Variants in ATP10A observed in about 807,000 individuals in gnomAD.
The protein encoded by ATP10A is ATPase phospholipid transporting 10A (putative), also known as phospholipid-transporting ATPase VA.
Under a neutral mutation model 147.8 loss-of-function variants are expected in ATP10A, and 111 were observed. The ratio of observed to expected loss-of-function variants is 0.75; its 90% CI spans 0.64 to 0.88. ATP10A has a LOEUF of 0.88. Among genes scored for constraint, ATP10A ranks in the 40% least tolerant of loss-of-function variants. The pLI, the probability that ATP10A is intolerant of heterozygous loss-of-function variation, is 0.00. For missense variants in ATP10A, 1,927 were observed against 1,959.0 expected, an observed-to-expected ratio of 0.98 and a Z score of 0.31; for synonymous variants, 875 against 841.6, an observed-to-expected ratio of 1.04 and a Z score of -0.69.
intron 5 of ATP10A, among the ~76,000 whole-genome samples, chr15:25,724,731 C>T (rs1482074900): frequency 2.6e-5 from 4 of 152,210 alleles, no homozygotes; most frequent in African/African-American, 4.8e-5. Flanking sequence ...ACTGATACTT[C>T]TTCCCCTGGA....
chr15:25,679,849 G>A lies in ATP10A; in HGVS notation c.3992C>T (p.Pro1331Leu), dbSNP rs142173664. 53 of 1,610,622 alleles carry A rather than the reference G, an allele frequency of 3.3e-5. No individual in the cohort carries two copies. The highest frequency in any genetic ancestry group is 1.2e-4 in the South Asian group (11 of 91,080). ...TGAGTGCTCGGTTCCCGAGTCCTTC[G>A]GGAGGCGTCCCTGAGCAAAGGTCTC... The part of the protein sequence containing the change: ...PKETFAQGRL[P>L]KDSGTEHSSG... The change falls in exon 21 of 21, where the codon CCG (proline) becomes CTG (leucine). Residue 1331 changes from proline to leucine, a missense_variant. Coordinates refer to ENST00000555815, the MANE Select transcript of ATP10A (RefSeq NM_024490.4).
At chr15:25,749,238 C>G in intron 2 of ATP10A, among the ~76,000 whole-genome samples, 1 of 152,004 alleles carries the variant, frequency 6.6e-6, no homozygotes, top group East Asian at 1.9e-4. Context: ...TTGTAATAAG[C>G]TAACAAAATC....
chr15:25,798,849 C>G (rs925931451), intron 1 of ATP10A, among the ~76,000 whole-genome samples: 4 of 152,170 alleles, frequency 2.6e-5, no homozygotes, highest in African/African-American at 9.7e-5. Context: ...CGGGAGGGCA[C>G]CGTGCGCCTC....
At chr15:25,734,616 C>T (rs975340799) in intron 3 of ATP10A, among the ~76,000 whole-genome samples, 1 of 152,176 alleles carries the variant, frequency 6.6e-6, no homozygotes, top group Non-Finnish European at 1.5e-5. Context: ...AGAAAAGCCA[C>T]AGCACACGGG....
chr15:25,713,934 G>C lies in ATP10A; in HGVS notation c.2084C>G (p.Ala695Gly). ...CAGTGCGGCCTCATCCGGGCTCTCC[G>C]CCTCGTACCGCAGCTCGCGCTCTGA... ...QESERELRYE[A>G]ESPDEAALVY... The change falls in exon 10 of 21, where the codon GCG becomes GGG. Residue 695 changes from alanine to glycine, a missense_variant. By Grantham distance (60) the Ala-to-Gly change is moderately conservative. Transcript: ENST00000555815. The C allele has an allele frequency of 1.2e-6, 2 of 1,611,654 alleles. No homozygotes were observed. The highest frequency in any genetic ancestry group is 1.7e-6 in the Non-Finnish European group (2 of 1,180,014).
At chr15:25,818,153 C>T (rs1010313135) in intron 1 of ATP10A, among the ~76,000 whole-genome samples, 2 of 151,900 alleles carry the variant, frequency 1.3e-5, no homozygotes, top group East Asian at 3.9e-4. Context: ...ATTAAAAAAA[C>T]CTAGAAACAC....
chr15:25,718,092 G>A (rs1471324116), intron 8 of ATP10A, 90 bp downstream of exon 8: 1 of 1,367,696 alleles, frequency 7.3e-7, no homozygotes, highest in Non-Finnish European at 1.0e-6. Context: ...GTATTTGTAG[G>A]ATTAAATATA....
chr15:25,722,945 G>C (rs968271384), intron 6 of ATP10A, among the ~76,000 whole-genome samples: 3 of 152,182 alleles, frequency 2.0e-5, no homozygotes, highest in Non-Finnish European at 4.4e-5. Flanking sequence ...AGTAACAATA[G>C]CAAGTGCAGA....
chr15:25,722,581 A>G (rs1411305120), intron 6 of ATP10A, among the ~76,000 whole-genome samples: 2 of 152,224 alleles, frequency 1.3e-5, no homozygotes, highest in Non-Finnish European at 2.9e-5. Flanking sequence ...AATATCACGC[A>G]CAGACTAACT....
Position 25,727,274 on chromosome 15 carries a change from G to A in ATP10A, c.741-8C>T. The A allele has an allele frequency of 6.2e-7, 1 of 1,609,678 alleles. No individual in the cohort carries two copies. Among genetic ancestry groups the A allele is most frequent in the Non-Finnish European group, 8.5e-7 (1 of 1,175,988 alleles). ...TTCCCGTTGTCATGTATGCTGTAGA[G>A]GGACAGTTGGCACATGTCACGTGGT... On this transcript the variant is annotated splice_region_variant and splice_polypyrimidine_tract_variant and intron_variant, in intron 3 of 20. Transcript: ENST00000555815.
At chr15:25,769,772 A>G (rs1889239456) in intron 2 of ATP10A, among the ~76,000 whole-genome samples, 2 of 152,290 alleles carry the variant, frequency 1.3e-5, no homozygotes, top group East Asian at 3.9e-4. Context: ...CCGAACCTGC[A>G]CTGTGAGGGG....
chr15:25,828,098 G>A (rs558311997), intron 1 of ATP10A, among the ~76,000 whole-genome samples: 2 of 152,160 alleles, frequency 1.3e-5, no homozygotes, highest in African/African-American at 4.8e-5. Flanking sequence ...TCCATCAGAA[G>A]GCCATAACAA....
At chr15:25,826,817 A>G (rs1182547484) in intron 1 of ATP10A, among the ~76,000 whole-genome samples, 1 of 152,126 alleles carries the variant, frequency 6.6e-6, no homozygotes, top group Non-Finnish European at 1.5e-5. Context: ...TAATAATAAT[A>G]ATGATGATAA....
At chr15:25,780,376 C>T (rs1179296988) in intron 2 of ATP10A, among the ~76,000 whole-genome samples, 1 of 152,262 alleles carries the variant, frequency 6.6e-6, no homozygotes, top group Non-Finnish European at 1.5e-5. Context: ...TTCCTGATCT[C>T]TGAGGGCTCC....
intron 2 of ATP10A, among the ~76,000 whole-genome samples, chr15:25,755,979 T>C (rs1449191811): frequency 6.6e-6 from 1 of 152,254 alleles, no homozygotes; most frequent in Admixed American, 6.5e-5. Flanking sequence ...CGGTTCAACC[T>C]TCACATAACA....
chr15:25,787,024 T>A (rs536746095), intron 1 of ATP10A, among the ~76,000 whole-genome samples: 1 of 152,098 alleles, frequency 6.6e-6, no homozygotes, highest in East Asian at 1.9e-4. Flanking sequence ...ACAGAACATT[T>A]CACAGTCTCT....
At chr15:25,808,301 A>T (rs530698562) in intron 1 of ATP10A, among the ~76,000 whole-genome samples, 1 of 152,348 alleles carries the variant, frequency 6.6e-6, no homozygotes, top group South Asian at 2.1e-4. Context: ...GAGGAAGAGC[A>T]AGGAAGGATT....
intron 1 of ATP10A, among the ~76,000 whole-genome samples, chr15:25,824,629 T>A (rs1220483197): frequency 6.6e-6 from 1 of 151,114 alleles, no homozygotes; most frequent in East Asian, 1.9e-4. Context: ...GTGAAGATGG[T>A]GGAGTGAAGG....
intron 1 of ATP10A, among the ~76,000 whole-genome samples, chr15:25,794,866 C>T (rs1890595772): frequency 6.6e-6 from 1 of 152,144 alleles, no homozygotes; most frequent in Non-Finnish European, 1.5e-5. Context: ...TGTCACCAGT[C>T]AGTCTTGGCA....
Sources: gnomAD v4.1 joint callset for allele counts (sites outside exome capture counted in the v4.1 genomes callset) on GRCh38, gnomAD v4.1.1 for gene constraint, MANE v1.5 for transcripts, NCBI Gene and HGNC (gene_info 2026-07-23, HGNC 2026-07-21) for gene names.